The following BICRA variants were observed in gnomAD, a reference collection of about 807,000 sequenced individuals.
BICRA encodes BRD4-interacting chromatin-remodeling complex-associated protein.
Under a neutral mutation model 96.9 loss-of-function variants are expected in BICRA, and 31 were observed. That is an observed-to-expected ratio of 0.32 (90% CI 0.24 to 0.43). The LOEUF (loss-of-function observed/expected upper bound fraction) is 0.43. Among genes scored for constraint, BICRA ranks in the 20% least tolerant of loss-of-function variants. BICRA has a pLI of 1.00. For synonymous variants in BICRA, 1,350 were observed against 1,071.8 expected (o/e 1.26, Z -5.07); for missense variants, 2,283 against 2,190.3 (o/e 1.04, Z -0.84).
chr19:47,698,365 T>C lies in BICRA; in HGVS notation c.3249-269T>C, dbSNP rs1453971260. Among the ~76,000 whole-genome samples, 4 of 152,132 alleles carry C rather than the reference T, an allele frequency of 2.6e-5. No homozygotes were observed. The highest frequency in any genetic ancestry group is 5.9e-5 in the Non-Finnish European group (4 of 68,020). ...CCCGCTCTGCTCTTCCTCCCTTACG[T>C]GCTTTGGAGAGGAGTGACTTCACTT... is the stretch of plus-strand genomic sequence containing the variant. On this transcript the variant is annotated intron_variant, in intron 11 of 14. Coordinates refer to ENST00000594866, the MANE Select transcript of BICRA (RefSeq NM_001394372.1). This position sits in a 1 kb window ranked among gnomAD's most constrained non-coding sequence, Gnocchi z 4.8.
At chr19:47,614,771 C>T (rs1971959493) in intron 1 of BICRA, among the ~76,000 whole-genome samples, 1 of 152,112 alleles carries the variant, frequency 6.6e-6, no homozygotes, top group Admixed American at 6.6e-5. Context: ...GCATGGTATT[C>T]CTCTGTGTGG....
At position 47,679,569 on chromosome 19, in the gene BICRA, C is replaced by A; in HGVS notation, c.399C>A (p.Thr133=). ...ELDLGPFQLP[T]LQPADGGAGP... ...ACCTGGGTCCCTTCCAGCTGCCCAC[C>A]CTGCAGCCTGCGGATGGCGGGGCAG... The change falls in exon 6 of 15, where the codon ACC becomes ACA. Residue 133 remains threonine (T), a synonymous_variant. Transcript: ENST00000594866. The A allele has an allele frequency of 6.5e-7, 1 of 1,543,976 alleles. No individual in the cohort carries two copies. The highest frequency in any genetic ancestry group is 1.4e-5 in the African/African-American group (1 of 72,750).
chr19:47,610,849 A>G (rs1343348835), intron 1 of BICRA, among the ~76,000 whole-genome samples: 1 of 151,846 alleles, frequency 6.6e-6, no homozygotes, highest in African/African-American at 2.4e-5. Flanking sequence ...TGGGAAGACA[A>G]CTCAGGAAGC....
In BICRA at chr19:47,680,541, C is replaced by T. The variant is rs377165260; in HGVS notation, c.1371C>T (p.Ser457=). 2 of 1,567,296 alleles carry T rather than the reference C, an allele frequency of 1.3e-6. No homozygotes were observed. Among genetic ancestry groups the T allele is most frequent in the African/African-American group, 1.4e-5 (1 of 73,680 alleles). Residue 457 remains serine, a synonymous_variant, in exon 6 of 15, where the codon AGC becomes AGT. Transcript: ENST00000594866. ...TCCACCTCCTGAACCAAGGCAGCAGCATCGTCATCCCCGCCCAGCACATGC... is the reference window on the plus strand; with the variant it reads ...TCCACCTCCTGAACCAAGGCAGCAGTATCGTCATCCCCGCCCAGCACATGC... ...MSVHLLNQGS[S]IVIPAQHMLP...
rs1396568366 is a variant in BICRA at position 47,694,174 on chromosome 19, C to T, written c.2343C>T (p.His781=). 2.0e-6 allele frequency: 3 copies of T among 1,512,396 alleles called. No homozygotes were observed. The South Asian group carries it at 3.7e-5, about 18-fold the overall frequency. The allele number at this position is 1,512,396 out of a possible 1,614,324, so 93.7% of individuals were successfully genotyped here. The change falls in exon 8 of 15, where the codon CAC becomes CAT. Residue 781 remains histidine (H), a synonymous_variant. Transcript: ENST00000594866. ...PGPSSSPSLP[H]QAPLGDSPHL... Reference sequence around the variant, plus strand: ...CCTCTTCGTCCCCGTCACTACCTCACCAGGCCCCTCTGGGGGACAGCCCCC... The same window carrying T: ...CCTCTTCGTCCCCGTCACTACCTCATCAGGCCCCTCTGGGGGACAGCCCCC...
chr19:47,694,724 C>G lies in BICRA; in HGVS notation c.2893C>G (p.Gln965Glu). 1 of 1,480,864 alleles carries G rather than the reference C, an allele frequency of 6.8e-7. No homozygotes were observed. The highest frequency in any genetic ancestry group is 1.4e-5 in the African/African-American group (1 of 72,714). 91.7% of individuals were successfully genotyped at this position (1,480,864 alleles called of 1,614,324 possible). ...GAAGGCTCTTCTCGAGAGATTTCAC[C>G]AGGTAACGGGAGGCAGGGACTGCCC... ...QPKALLERFH[Q>E]VPSGIILQNK... is the part of the protein sequence containing the mutation. The change falls in exon 8 of 15, where the codon CAG becomes GAG. Residue 965 changes from glutamine to glutamate, a missense_variant and splice_region_variant. Coordinates refer to ENST00000594866, the MANE Select transcript of BICRA (RefSeq NM_001394372.1).
chr19:47,680,323 G>A lies in BICRA; in HGVS notation c.1153G>A (p.Gly385Arg), dbSNP rs1568569655. ...GATLTIQGEP[G>R]ALPQQPKAPQ... ...CACGCTCACCATCCAGGGCGAGCCG[G>A]GGGCGCTCCCGCAGCAGCCCAAGGC... The change falls in exon 6 of 15, where the codon GGG becomes AGG. Residue 385 changes from glycine to arginine, a missense_variant. Physicochemically the swap from Gly to Arg is moderately radical, Grantham distance 125. Coordinates refer to ENST00000594866, the MANE Select transcript of BICRA (RefSeq NM_001394372.1). 6.5e-7 allele frequency: 1 copy of A among 1,540,746 alleles called. No individual in the cohort carries two copies. Among genetic ancestry groups the A allele is most frequent in the Non-Finnish European group, 8.7e-7 (1 of 1,150,654 alleles).
Position 47,699,143 on chromosome 19 carries a change from G to T in BICRA, c.3492+84G>T. ...TTCCCTCACCCGCTCTGGGCAAGGT[G>T]GAGCCTCCCGCCCCTCCTAGCCCCG... On this transcript the variant is annotated intron_variant, in intron 13 of 14. Transcript: ENST00000594866. This position sits in a 1 kb window ranked among gnomAD's most constrained non-coding sequence, Gnocchi z 5.0. The T allele has an allele frequency of 9.4e-7, 1 of 1,062,384 alleles. No individual in the cohort carries two copies. Among genetic ancestry groups the T allele is most frequent in the South Asian group, 1.3e-5 (1 of 74,426 alleles). The allele number at this position is 1,062,384 out of a possible 1,614,324, so 65.8% of individuals were successfully genotyped here. A position where few individuals can be genotyped will look rare whatever the true frequency, so the allele number is the denominator to read the frequency against.
intron 1 of BICRA, among the ~76,000 whole-genome samples, chr19:47,668,840 C>G (rs1445142321): frequency 6.6e-6 from 1 of 151,274 alleles, no homozygotes; most frequent in African/African-American, 2.4e-5. Flanking sequence ...GGCTCCTAGG[C>G]CAGGCGCAGT....
At chr19:47,644,581 A>AC (rs995328096) in intron 1 of BICRA, among the ~76,000 whole-genome samples, 1 of 149,338 alleles carries the variant, frequency 6.7e-6, no homozygotes, top group Non-Finnish European at 1.5e-5. Flanking sequence ...GCTCACTGCA[A>AC]CCTCTGCCTC....
chr19:47,651,548 G>GTGA, intron 1 of BICRA, among the ~76,000 whole-genome samples: 2 of 152,266 alleles, frequency 1.3e-5, no homozygotes, highest in Admixed American at 1.3e-4. Flanking sequence ...CCGGTAGAAC[G>GTGA]TGAGCTCTGG....
chr19:47,650,684 C>A (rs1057331148), intron 1 of BICRA, among the ~76,000 whole-genome samples: 1 of 152,202 alleles, frequency 6.6e-6, no homozygotes, highest in Non-Finnish European at 1.5e-5. Flanking sequence ...ATTTCTCCTT[C>A]TCTGAGGCTC....
chr19:47,695,035 A>G lies in BICRA; in HGVS notation c.3031A>G (p.Thr1011Ala). 2.0e-6 allele frequency: 3 copies of G among 1,498,572 alleles called. No individual in the cohort carries two copies. Among genetic ancestry groups the G allele is most frequent in the Non-Finnish European group, 2.6e-6 (3 of 1,134,516 alleles). The allele number at this position is 1,498,572 out of a possible 1,614,324, so 92.8% of individuals were successfully genotyped here. Residue 1011 changes from threonine (T) to alanine (A), a missense_variant, in exon 9 of 15, where the codon ACT (threonine) becomes GCT (alanine). Thr to Ala is a moderately conservative substitution (Grantham distance 58). Coordinates refer to ENST00000594866, the MANE Select transcript of BICRA (RefSeq NM_001394372.1). ...VSGQAPSGTPTAPSHAPAPAP... is the reference protein window; with the variant it reads ...VSGQAPSGTPAAPSHAPAPAP... ...TGGGCAGGCCCCATCTGGGACCCCC[A>G]CTGCCCCCAGCCACGCCCCCGCCCC...
chr19:47,638,496 A>G (rs1972333636), intron 1 of BICRA, among the ~76,000 whole-genome samples: 2 of 152,084 alleles, frequency 1.3e-5, no homozygotes, highest in African/African-American at 4.8e-5. Flanking sequence ...ACCTATACCC[A>G]CGTCCTCTTC....
At chr19:47,655,535 A>AG (rs1199792891) in intron 1 of BICRA, among the ~76,000 whole-genome samples, 1 of 148,886 alleles carries the variant, frequency 6.7e-6, no homozygotes, top group African/African-American at 2.5e-5. Context: ...CAAAAAAAAA[A>AG]AAAAAAAAAA....
chr19:47,636,538 G>A (rs571141928), intron 1 of BICRA, among the ~76,000 whole-genome samples: 105 of 151,954 alleles, frequency 6.9e-4, no homozygotes, highest in African/African-American at 2.4e-3. Context: ...TTGAGATGGA[G>A]TCTCTGTCAC....
intron 1 of BICRA, among the ~76,000 whole-genome samples, chr19:47,644,391 TTTTC>T (rs1054497993): frequency 2.6e-5 from 4 of 151,816 alleles, no homozygotes; most frequent in East Asian, 1.9e-4. Context: ...TTTCCTTTTC[TTTTC>T]TTTCTTTCTC....
At chr19:47,632,535 G>A (rs1311102891) in intron 1 of BICRA, among the ~76,000 whole-genome samples, 2 of 152,230 alleles carry the variant, frequency 1.3e-5, no homozygotes, top group Non-Finnish European at 2.9e-5. Context: ...TGCATCCGAT[G>A]GTCCCACCGC....
Position 47,701,145 on chromosome 19 carries a change from A to C in BICRA, c.3596-183A>C, listed in dbSNP as rs975851989. On this transcript the variant is annotated intron_variant, in intron 14 of 14. Coordinates refer to ENST00000594866, the MANE Select transcript of BICRA (RefSeq NM_001394372.1). The surrounding 1 kb of genome is among the most constrained non-coding windows in gnomAD (Gnocchi z 5.4). ...GCGCTGTGCCAGGCACAGTGGTTTT[A>C]GAGTTGGGGGAATTTGGGCCTTGCT... 5.0e-6 allele frequency: 3 copies of C among 599,906 alleles called. No homozygotes were observed. Among genetic ancestry groups the C allele is most frequent in the Non-Finnish European group, 8.8e-6 (3 of 339,056 alleles). The allele number at this position is 599,906 out of a possible 1,614,324, so 37.2% of individuals were successfully genotyped here.
Sources: gnomAD v4.1 joint callset for allele counts (sites outside exome capture counted in the v4.1 genomes callset) on GRCh38, gnomAD v4.1.1 for gene constraint, Gnocchi (gnomAD v3.1) non-coding constraint, MANE v1.5 for transcripts, NCBI Gene and HGNC (gene_info 2026-07-23, HGNC 2026-07-21) for gene names.